TAPBPL: variants seen among roughly 807,000 people sequenced by gnomAD.
TAPBPL encodes tapasin-related protein.
A neutral mutation model predicts 44.8 loss-of-function variants in TAPBPL; 32 were observed. That is an observed-to-expected ratio of 0.71 (90% CI 0.54 to 0.96). TAPBPL has a LOEUF of 0.96. Ranked by LOEUF, TAPBPL falls within the 40% of genes least tolerant of loss-of-function variation. The pLI is 0.00. For missense variants in TAPBPL, 520 were observed against 586.6 expected (o/e 0.89, Z 1.17); for synonymous variants, 230 against 240.7 (o/e 0.96, Z 0.41).
At chr12:6,463,417 GC>G (rs1055720282), downstream of TAPBPL, 22 of 1,055,372 alleles carry the variant, frequency 2.1e-5, no homozygotes, top group African/African-American at 3.6e-4. This position sits in a 1 kb window ranked among gnomAD's most constrained non-coding sequence, Gnocchi z 4.0. Flanking sequence ...CCTGTCTTTG[GC>G]AAGTGCACGG....
At chr12:6,462,851 G>A (rs745832349), downstream of TAPBPL, 93 of 1,606,214 alleles carry the variant, frequency 5.8e-5, no homozygotes, top group Non-Finnish European at 7.7e-5. Context: ...CCCTTGGGCA[G>A]GACGAAGGGA....
rs1293703726 is a variant in TAPBPL at position 6,452,408 on chromosome 12, G to A, written c.64+96G>A. 4.0e-6 allele frequency: 6 copies of A among 1,490,638 alleles called. No individual in the cohort carries two copies. In the Admixed American group the frequency reaches 1.4e-4, roughly 34 times the overall value. The allele number at this position is 1,490,638 out of a possible 1,614,324, so 92.3% of individuals were successfully genotyped here. On this transcript the variant is annotated intron_variant, in intron 1 of 6. Coordinates refer to ENST00000266556, the MANE Select transcript of TAPBPL (RefSeq NM_018009.5). ...AGATTCCAGAAGAGCAAAGGGGCCG[G>A]GGATGACCCCATCGCCTTCTAAGCC...
downstream of TAPBPL, among the ~76,000 whole-genome samples, chr12:6,471,297 C>T (rs1488583480): frequency 6.6e-6 from 1 of 152,158 alleles, no homozygotes; most frequent in Non-Finnish European, 1.5e-5. The surrounding 1 kb of genome is among the most constrained non-coding windows in gnomAD (Gnocchi z 4.0). Flanking sequence ...AATTGAACTC[C>T]CTCCCAAACC....
downstream of TAPBPL, chr12:6,470,639 C>A (rs1312326416): frequency 2.7e-6 from 4 of 1,465,488 alleles, no homozygotes; most frequent in African/African-American, 5.6e-5. Context: ...CTCCGCCTCG[C>A]GCCGACTACC....
chr12:6,455,719 C>T (rs1337481056), intron 3 of TAPBPL, among the ~76,000 whole-genome samples: 6 of 151,638 alleles, frequency 4.0e-5, no homozygotes, highest in Non-Finnish European at 7.4e-5. Flanking sequence ...TGCTTGAGCC[C>T]AGGAGTTTGA....
At chr12:6,459,051 C>T in intron 5 of TAPBPL, 104 bp downstream of exon 5, 1 of 1,343,844 alleles carries the variant, frequency 7.4e-7, no homozygotes. Flanking sequence ...ACTTTGTTCG[C>T]AGCCCTGGCT....
chr12:6,467,431 T>C (rs76910202), downstream of TAPBPL, among the ~76,000 whole-genome samples: 6,027 of 152,224 alleles, frequency 0.04, 394 homozygotes, highest in African/African-American at 0.14. Context: ...TGTTGGGAAC[T>C]GAAGCAAAGG....
downstream of TAPBPL, chr12:6,463,339 G>GT: frequency 8.5e-7 from 1 of 1,170,684 alleles, no homozygotes. The surrounding 1 kb of genome is among the most constrained non-coding windows in gnomAD (Gnocchi z 4.0). Context: ...GGTGGGGCTG[G>GT]TGGGTCTACA....
At chr12:6,463,152 C>T (rs1055744050), downstream of TAPBPL, 14 of 1,451,806 alleles carry the variant, frequency 9.6e-6, no homozygotes, top group East Asian at 2.5e-5. The surrounding 1 kb of genome is among the most constrained non-coding windows in gnomAD (Gnocchi z 4.0). Context: ...TCTATACACA[C>T]AAACCATGCA....
At chr12:6,470,435 C>G, downstream of TAPBPL, 1 of 1,577,910 alleles carries the variant, frequency 6.3e-7, no homozygotes, top group Non-Finnish European at 8.7e-7. Flanking sequence ...GTTGCTGCAG[C>G]TGCTGCATTG....
intron 1 of TAPBPL, 106 bp downstream of exon 1, chr12:6,452,418 C>T: frequency 2.7e-6 from 4 of 1,473,924 alleles, no homozygotes; most frequent in Non-Finnish European, 1.8e-6. Context: ...GGGATGACCC[C>T]ATCGCCTTCT....
At chr12:6,463,263 G>C, downstream of TAPBPL, 1 of 1,359,864 alleles carries the variant, frequency 7.4e-7, no homozygotes, top group Middle Eastern at 2.8e-4. The surrounding 1 kb of genome is among the most constrained non-coding windows in gnomAD (Gnocchi z 4.0). Context: ...CTCTCAAGGA[G>C]AGGGCCCCAT....
At chr12:6,458,160 G>A (rs770295098) in intron 4 of TAPBPL, among the ~76,000 whole-genome samples, 5 of 152,284 alleles carry the variant, frequency 3.3e-5, no homozygotes, top group African/African-American at 4.8e-5. Context: ...GGCGGATCAC[G>A]AGGTCAGGAG....
At chr12:6,464,874 C>T (rs1949966453), downstream of TAPBPL, 5 of 1,614,058 alleles carry the variant, frequency 3.1e-6, no homozygotes, top group Non-Finnish European at 4.2e-6. Context: ...CCACCAGCAA[C>T]TTCAGCGATA....
chr12:6,466,292 G>T (rs1417611915), downstream of TAPBPL: 1 of 1,614,228 alleles, frequency 6.2e-7, no homozygotes, highest in Non-Finnish European at 8.5e-7. Flanking sequence ...AGGGCCAGGG[G>T]GACCCCCACC....
chr12:6,470,549 TG>T, downstream of TAPBPL: 1 of 1,613,042 alleles, frequency 6.2e-7, no homozygotes. Flanking sequence ...ACAGAGAGAG[TG>T]AGGGTCTGTT....
intron 1 of TAPBPL, 109 bp downstream of exon 1, chr12:6,452,421 C>T (rs562322703): frequency 8.2e-6 from 12 of 1,469,150 alleles, no homozygotes; most frequent in Middle Eastern, 2.4e-4. Flanking sequence ...ATGACCCCAT[C>T]GCCTTCTAAG....
chr12:6,460,317 G>A (rs2136992636), intron 5 of TAPBPL, among the ~76,000 whole-genome samples: 1 of 152,292 alleles, frequency 6.6e-6, no homozygotes, highest in Non-Finnish European at 1.5e-5. Context: ...CCAGGCTGGA[G>A]TGCAGTGGCA....
chr12:6,470,867 G>T, downstream of TAPBPL: 1 of 450,260 alleles, frequency 2.2e-6, no homozygotes, highest in Non-Finnish European at 4.1e-6. Context: ...TTGCTGTGAG[G>T]ATCCTTCAGT....
Sources: gnomAD v4.1 joint callset for allele counts (sites outside exome capture counted in the v4.1 genomes callset) on GRCh38, gnomAD v4.1.1 for gene constraint, Gnocchi (gnomAD v3.1) non-coding constraint, MANE v1.5 for transcripts, NCBI Gene and HGNC (gene_info 2026-07-23, HGNC 2026-07-21) for gene names.